Variants in VANGL1 observed in about 807,000 individuals in gnomAD.
VANGL1 encodes VANGL planar cell polarity protein 1.
A neutral mutation model predicts 48.4 loss-of-function variants in VANGL1; 18 were observed. The ratio of observed to expected loss-of-function variants is 0.37; its 90% CI spans 0.26 to 0.55. The LOEUF is 0.55. Among genes scored for constraint, VANGL1 ranks in the 20% least tolerant of loss-of-function variants. The pLI, the probability that VANGL1 is intolerant of heterozygous loss-of-function variation, is 0.81. For missense variants in VANGL1, 667 were observed against 675.8 expected (o/e 0.99, Z 0.14); for synonymous variants, 257 against 261.8 (o/e 0.98, Z 0.18).
At chr1:115,650,212 T>C (rs2101301551) in intron 1 of VANGL1, among the ~76,000 whole-genome samples, 1 of 152,286 alleles carries the variant, frequency 6.6e-6, no homozygotes, top group East Asian at 1.9e-4. Context: ...ACAGCTCCTT[T>C]GTTTTTTCTT....
chr1:115,687,051 T>A (rs2101033843), intron 7 of VANGL1, among the ~76,000 whole-genome samples: 2 of 138,820 alleles, frequency 1.4e-5, no homozygotes, highest in Middle Eastern at 3.8e-3. Context: ...TATATGTGTA[T>A]CCTGCTGGTT....
In VANGL1 at chr1:115,693,316, C is replaced by T. The variant is rs1653915477; in HGVS notation, c.*1937C>T. 6.6e-6 allele frequency: 1 copy of T among 152,586 alleles called. No homozygotes were observed. The highest frequency in any genetic ancestry group is 6.5e-5 in the Admixed American group (1 of 15,274). 9.5% of individuals were successfully genotyped at this position (152,586 alleles called of 1,614,324 possible). On this transcript the variant is annotated 3_prime_UTR_variant, in exon 8 of 8. Transcript: ENST00000355485. ...ATGGCAAGTGTGAGACGGGCTGTGTCAGAGGTTGCTACGTCATGGATACAG... is the reference window on the plus strand; with the variant it reads ...ATGGCAAGTGTGAGACGGGCTGTGTTAGAGGTTGCTACGTCATGGATACAG...
At position 115,691,373 on chromosome 1, in the gene VANGL1, C is replaced by G. The variant is rs753066199; in HGVS notation, c.1569C>G (p.Ser523=). The stretch of plus-strand genomic sequence containing the variant: ...TCCTTCGCTTACAGTCTGAGACATC[C>G]GTTTAAAAGTTCTATATTTGTGGCT... ...KFVLRLQSET[S]V is the part of the protein sequence containing the mutation. The change falls in exon 8 of 8, where the codon TCC becomes TCG. Residue 523 remains serine (S), a synonymous_variant. Coordinates refer to ENST00000355485, the MANE Select transcript of VANGL1 (RefSeq NM_138959.3). 3.1e-6 allele frequency: 5 copies of G among 1,613,096 alleles called. No individual in the cohort carries two copies. In the East Asian group the frequency reaches 1.1e-4, roughly 36 times the overall value.
At chr1:115,662,841 C>T (rs1652613878) in intron 3 of VANGL1, among the ~76,000 whole-genome samples, 1 of 148,526 alleles carries the variant, frequency 6.7e-6, no homozygotes, top group Non-Finnish European at 1.5e-5. Flanking sequence ...GGCTGGAGTA[C>T]AGTGGCACGA....
At chr1:115,681,710 T>C (rs916624713) in intron 4 of VANGL1, among the ~76,000 whole-genome samples, 9 of 152,032 alleles carry the variant, frequency 5.9e-5, no homozygotes, top group Admixed American at 5.9e-4. Context: ...TTTCATCATA[T>C]TGGTTAGGCT....
At chr1:115,658,646 G>A (rs12077503) in intron 2 of VANGL1, among the ~76,000 whole-genome samples, 6,257 of 152,216 alleles carry the variant, frequency 0.041, 413 homozygotes, top group African/African-American at 0.14. Context: ...GAGGGCTGAT[G>A]TCAAGGTGGC....
rs968405545 is a variant in VANGL1 at position 115,683,978 on chromosome 1, C to T, written c.981C>T (p.Ala327=). The T allele has an allele frequency of 8.7e-6, 14 of 1,613,928 alleles. No individual in the cohort carries two copies. Among genetic ancestry groups the T allele is most frequent in the Non-Finnish European group, 1.2e-5 (14 of 1,179,982 alleles). Residue 327 remains alanine (A), a synonymous_variant, in exon 6 of 8, where the codon GCC becomes GCT. Transcript: ENST00000355485. ...ACAATGCCACTGGCCAGTCCCGGGC[C>T]ATGATTGCTGCAGCTGCTCGGCGCA... ...PSNNATGQSR[A]MIAAAARRRD...
At chr1:115,656,205 C>T (rs1570742752) in intron 2 of VANGL1, among the ~76,000 whole-genome samples, 1 of 152,310 alleles carries the variant, frequency 6.6e-6, no homozygotes, top group South Asian at 2.1e-4. Context: ...TTTCTCCCAA[C>T]TTCATCCACT....
At position 115,651,231 on chromosome 1, in the gene VANGL1, G is replaced by A. The variant is rs74114601; in HGVS notation, c.-137-46G>A. ...TCATTTATCTTTCAGCCCCATTAAG[G>A]TTGGCTCTGAAGATTAATGTCTTTT... On this transcript the variant is annotated intron_variant, in intron 1 of 7. Transcript: ENST00000355485. 4.0e-3 allele frequency: 2,425 copies of A among 609,758 alleles called. 51 individuals carry two copies. The highest frequency in any genetic ancestry group is 0.04 in the African/African-American group (2,127 of 53,774). 37.8% of individuals were successfully genotyped at this position (609,758 alleles called of 1,614,324 possible).
In VANGL1 at chr1:115,691,131, C is replaced by CGGT; in HGVS notation, c.1328_1330dup (p.Arg443_Tyr444insTrp). 1 of 1,614,176 alleles carries CGGT rather than the reference C, an allele frequency of 6.2e-7. No homozygotes were observed. The highest frequency in any genetic ancestry group is 8.5e-7 in the Non-Finnish European group (1 of 1,180,046). On this transcript the variant is annotated inframe_insertion, in exon 8 of 8. Coordinates refer to ENST00000355485, the MANE Select transcript of VANGL1 (RefSeq NM_138959.3). ...CCTCTGCTTCCAGGCCTTCCTAGAA[C>CGGT]GGTACCTCAGTGCGGGCCCCACCCT...
At chr1:115,678,527 C>T (rs987364721) in intron 4 of VANGL1, among the ~76,000 whole-genome samples, 9 of 152,172 alleles carry the variant, frequency 5.9e-5, no homozygotes, top group African/African-American at 1.4e-4. Context: ...GGATAGATGG[C>T]CTCCACCTCC....
chr1:115,692,432 C>T lies in VANGL1; in HGVS notation c.*1053C>T, dbSNP rs184219889. On this transcript the variant is annotated 3_prime_UTR_variant, in exon 8 of 8. Coordinates refer to ENST00000355485, the MANE Select transcript of VANGL1 (RefSeq NM_138959.3). ...AAAGGAGACCAAACCATGCCAACCACGCTGGCAACTGCTGCTGTCCAGTCC... is the reference window on the plus strand; with the variant it reads ...AAAGGAGACCAAACCATGCCAACCATGCTGGCAACTGCTGCTGTCCAGTCC... 3 of 152,848 alleles carry T rather than the reference C, an allele frequency of 2.0e-5. No individual in the cohort carries two copies. Among genetic ancestry groups the T allele is most frequent in the East Asian group, 3.9e-4 (2 of 5,182 alleles). The allele number at this position is 152,848 out of a possible 1,614,324, so 9.5% of individuals were successfully genotyped here.
chr1:115,659,878 C>A, intron 3 of VANGL1, 105 bp downstream of exon 3: 1 of 1,501,484 alleles, frequency 6.7e-7, no homozygotes, highest in Non-Finnish European at 9.2e-7. Flanking sequence ...ATTTTTCTAG[C>A]ATGCTAATTA....
intron 6 of VANGL1, 126 bp from the exon 7 acceptor site, chr1:115,685,167 A>C: frequency 3.1e-6 from 3 of 956,178 alleles, no homozygotes; most frequent in African/African-American, 1.6e-5. Context: ...CTAAGGATGC[A>C]AGCAGCGTGA....
chr1:115,680,021 G>A (rs1017458138), intron 4 of VANGL1, among the ~76,000 whole-genome samples: 17 of 79,068 alleles, frequency 2.2e-4, no homozygotes, highest in Non-Finnish European at 3.1e-4. Context: ...GTGTGTGTGT[G>A]TATGTGAGAG....
At chr1:115,677,214 C>A (rs564233010) in intron 4 of VANGL1, among the ~76,000 whole-genome samples, 1 of 152,226 alleles carries the variant, frequency 6.6e-6, no homozygotes, top group African/African-American at 2.4e-5. Context: ...ATTTGAACTA[C>A]GTTTTGAGGT....
intron 4 of VANGL1, among the ~76,000 whole-genome samples, chr1:115,667,174 C>A (rs1027302210): frequency 6.6e-6 from 1 of 152,136 alleles, no homozygotes; most frequent in Non-Finnish European, 1.5e-5. Context: ...AGGTGCCAAG[C>A]GATGGTGAGT....
intron 7 of VANGL1, among the ~76,000 whole-genome samples, chr1:115,690,203 G>T (rs1653780030): frequency 1.2e-5 from 1 of 84,726 alleles, no homozygotes; most frequent in Non-Finnish European, 2.5e-5. Context: ...GAGCAGACAT[G>T]CAAGTCAGCA....
At chr1:115,653,464 A>C (rs1029892082) in intron 2 of VANGL1, among the ~76,000 whole-genome samples, 1 of 152,184 alleles carries the variant, frequency 6.6e-6, no homozygotes, top group Non-Finnish European at 1.5e-5. Context: ...TGTCAATACC[A>C]GGCTTCCCTC....
Sources: allele counts gnomAD v4.1 joint callset (sites outside exome capture counted in the v4.1 genomes callset), GRCh38; gene constraint gnomAD v4.1.1; transcripts MANE v1.5; gene names NCBI Gene and HGNC (gene_info 2026-07-23, HGNC 2026-07-21).